Variants in MEOX2 observed in about 807,000 individuals in gnomAD.
MEOX2 encodes mesenchyme homeobox 2, also known as homeobox protein MOX-2.
A neutral mutation model predicts 27.0 loss-of-function variants in MEOX2; 11 were observed. The ratio of observed to expected loss-of-function variants is 0.41; its 90% confidence interval spans 0.26 to 0.68. MEOX2 has a LOEUF of 0.68. Among genes scored for constraint, MEOX2 ranks in the 30% least tolerant of loss-of-function variants. MEOX2 has a pLI of 0.33. For synonymous variants in MEOX2, 189 were observed against 155.4 expected (o/e 1.22, Z -1.61); for missense variants, 436 against 385.4 (o/e 1.13, Z -1.10).
chr7:15,612,427 C>G lies in MEOX2; in HGVS notation c.875G>C (p.Ser292Thr), dbSNP rs781176015. ...QTGDSIANED[S>T]HDSDHSSEHA... Reference sequence around the variant, plus strand: ...CTCTGAGCTGTGGTCACTGTCGTGACTGTCTTCATTTGCTATAGAGTCCCC... The same window carrying G: ...CTCTGAGCTGTGGTCACTGTCGTGAGTGTCTTCATTTGCTATAGAGTCCCC... Residue 292 changes from serine (S) to threonine (T), a missense_variant, in exon 3 of 3, where the codon AGT (serine) becomes ACT (threonine). By Grantham distance (58) the Ser-to-Thr change is moderately conservative. Coordinates refer to ENST00000262041, the MANE Select transcript of MEOX2 (RefSeq NM_005924.5). 1.9e-6 allele frequency: 3 copies of G among 1,614,168 alleles called. No individual in the cohort carries two copies. In the South Asian group the frequency reaches 3.3e-5, roughly 18 times the overall value.
intron 1 of MEOX2, among the ~76,000 whole-genome samples, chr7:15,631,006 A>G (rs1039385396): frequency 3.9e-5 from 6 of 151,904 alleles, no homozygotes; most frequent in Non-Finnish European, 5.9e-5. Flanking sequence ...ACTATGATTC[A>G]TGAATGTGTC....
At chr7:15,652,268 C>T (rs1781743703) in intron 1 of MEOX2, among the ~76,000 whole-genome samples, 3 of 151,872 alleles carry the variant, frequency 2.0e-5, no homozygotes, top group African/African-American at 4.8e-5. Flanking sequence ...TCTTTAGAAC[C>T]CTGTCATAAA....
At chr7:15,643,714 G>A (rs963594742) in intron 1 of MEOX2, among the ~76,000 whole-genome samples, 6 of 152,154 alleles carry the variant, frequency 3.9e-5, no homozygotes, top group Non-Finnish European at 4.4e-5. Flanking sequence ...TGAAGGGAGG[G>A]GTGCCCAGCC....
intron 2 of MEOX2, among the ~76,000 whole-genome samples, chr7:15,614,067 A>C (rs1396040991): frequency 6.6e-6 from 1 of 150,604 alleles, no homozygotes; most frequent in Non-Finnish European, 1.5e-5. Flanking sequence ...TTCTTTTATG[A>C]CTAGTGTTTT....
At chr7:15,659,396 G>C (rs79038878) in intron 1 of MEOX2, among the ~76,000 whole-genome samples, 1 of 152,174 alleles carries the variant, frequency 6.6e-6, no homozygotes, top group Admixed American at 6.5e-5. Context: ...CATATAAAAT[G>C]AAAATTTTAT....
intron 2 of MEOX2, among the ~76,000 whole-genome samples, chr7:15,617,838 G>A (rs1194435857): frequency 6.6e-6 from 1 of 151,968 alleles, no homozygotes; most frequent in East Asian, 1.9e-4. Context: ...CAAGTCTTGT[G>A]GATCAGGCTC....
intron 1 of MEOX2, among the ~76,000 whole-genome samples, chr7:15,656,788 T>G (rs1001186740): frequency 3.3e-5 from 5 of 152,210 alleles, no homozygotes; most frequent in Non-Finnish European, 7.4e-5. Context: ...TTGCCATTGT[T>G]CTTTTTCCTT....
chr7:15,643,607 C>T (rs568671021), intron 1 of MEOX2, among the ~76,000 whole-genome samples: 16 of 152,282 alleles, frequency 1.1e-4, no homozygotes, highest in South Asian at 2.1e-4. Flanking sequence ...GGTGTCTGTT[C>T]CAGGTCACTG....
intron 1 of MEOX2, among the ~76,000 whole-genome samples, chr7:15,684,917 G>A (rs1782352404): frequency 6.6e-6 from 1 of 152,230 alleles, no homozygotes; most frequent in Non-Finnish European, 1.5e-5. Context: ...GAGTTTCTCT[G>A]GATTGCTACA....
chr7:15,647,546 A>G (rs1202395580), intron 1 of MEOX2, among the ~76,000 whole-genome samples: 1 of 152,106 alleles, frequency 6.6e-6, no homozygotes, highest in African/African-American at 2.4e-5. Flanking sequence ...TAGCATAGAC[A>G]TTCTCAAGGA....
chr7:15,678,481 T>C (rs1782238136), intron 1 of MEOX2, among the ~76,000 whole-genome samples: 1 of 152,212 alleles, frequency 6.6e-6, no homozygotes, highest in Middle Eastern at 3.2e-3. Flanking sequence ...AATCAATGAT[T>C]TGCAAAATTT....
intron 1 of MEOX2, among the ~76,000 whole-genome samples, chr7:15,641,329 C>T (rs1781557327): frequency 6.6e-6 from 1 of 151,910 alleles, no homozygotes; most frequent in African/African-American, 2.4e-5. Flanking sequence ...TTGAGTTGAA[C>T]CCTTTATTAT....
intron 1 of MEOX2, among the ~76,000 whole-genome samples, chr7:15,641,439 T>C (rs1212888417): frequency 1.3e-5 from 2 of 152,134 alleles, no homozygotes; most frequent in Non-Finnish European, 2.9e-5. Context: ...AATAGCAACC[T>C]CTGCTCTCTT....
intron 1 of MEOX2, among the ~76,000 whole-genome samples, chr7:15,685,350 T>C (rs1239501004): frequency 6.7e-6 from 1 of 148,460 alleles, no homozygotes; most frequent in Non-Finnish European, 1.5e-5. Context: ...GAAATAAGAA[T>C]GTTAAAAAAA....
At chr7:15,644,928 G>C (rs552583171) in intron 1 of MEOX2, among the ~76,000 whole-genome samples, 3 of 152,244 alleles carry the variant, frequency 2.0e-5, no homozygotes, top group Non-Finnish European at 4.4e-5. Flanking sequence ...CAGCTTCCTA[G>C]AGCCTCTACT....
intron 1 of MEOX2, among the ~76,000 whole-genome samples, chr7:15,676,889 T>C (rs1462876521): frequency 6.6e-6 from 1 of 151,950 alleles, no homozygotes; most frequent in Non-Finnish European, 1.5e-5. Flanking sequence ...ATTTTATTCT[T>C]TATTTTGCTC....
intron 1 of MEOX2, among the ~76,000 whole-genome samples, chr7:15,655,830 T>G (rs752113612): frequency 6.6e-6 from 1 of 151,826 alleles, no homozygotes; most frequent in African/African-American, 2.4e-5. Flanking sequence ...TTCTGCTGTT[T>G]CAGGATAGAA....
intron 1 of MEOX2, among the ~76,000 whole-genome samples, chr7:15,644,723 A>G (rs1018262532): frequency 6.6e-6 from 1 of 152,168 alleles, no homozygotes; most frequent in East Asian, 1.9e-4. Context: ...TCAATTACTT[A>G]TGCAATATAT....
At chr7:15,648,576 T>TA (rs1349310182) in intron 1 of MEOX2, among the ~76,000 whole-genome samples, 1 of 152,060 alleles carries the variant, frequency 6.6e-6, no homozygotes, top group Non-Finnish European at 1.5e-5. Context: ...TACATAAAAC[T>TA]GTCTCCACAT....
Sources: gnomAD v4.1 joint callset for allele counts (sites outside exome capture counted in the v4.1 genomes callset) on GRCh38, gnomAD v4.1.1 for gene constraint, MANE v1.5 for transcripts, NCBI Gene and HGNC (gene_info 2026-07-23, HGNC 2026-07-21) for gene names.